RBM27: variants seen among roughly 807,000 people sequenced by gnomAD.
RBM27 encodes RNA binding motif protein 27, also known as RNA-binding protein 27.
A neutral mutation model predicts 135.3 loss-of-function variants in RBM27; 22 were observed. The ratio of observed to expected loss-of-function variants is 0.16; its 90% confidence interval spans 0.12 to 0.23. RBM27 has a LOEUF of 0.23. Ranked by LOEUF, RBM27 falls within the 10% of genes least tolerant of loss-of-function variation. RBM27 has a pLI of 1.00. For synonymous variants in RBM27, 481 were observed against 442.4 expected, an observed-to-expected ratio of 1.09 and a Z score of -1.10; for missense variants, 1,009 against 1,281.0, an observed-to-expected ratio of 0.79 and a Z score of 3.24.
intron 1 of RBM27, among the ~76,000 whole-genome samples, chr5:146,209,630 A>G (rs965720672): frequency 1.3e-5 from 2 of 152,192 alleles, no homozygotes; most frequent in Non-Finnish European, 2.9e-5. Flanking sequence ...AGTTGCCCAA[A>G]TGGGAGGAAA....
chr5:146,235,421 C>T (rs544629055), intron 7 of RBM27, among the ~76,000 whole-genome samples: 10 of 151,900 alleles, frequency 6.6e-5, no homozygotes, highest in East Asian at 5.9e-4. Flanking sequence ...CCAGGCATGT[C>T]GGGGGGTGCA....
At chr5:146,258,640 G>A (rs373002264) in intron 11 of RBM27, 47 bp downstream of exon 11, 4 of 1,409,206 alleles carry the variant, frequency 2.8e-6, no homozygotes, top group Non-Finnish European at 3.7e-6. Flanking sequence ...ATTGTCGTTT[G>A]CATTGGTAAA....
intron 1 of RBM27, among the ~76,000 whole-genome samples, chr5:146,217,215 C>T (rs1440278920): frequency 3.3e-5 from 5 of 152,088 alleles, no homozygotes; most frequent in Non-Finnish European, 2.9e-5. Context: ...GATCCCCCCG[C>T]CTTGGCCTCC....
chr5:146,258,400 CATT>C (rs759285548), intron 10 of RBM27, 46 bp from the exon 11 acceptor site: 21 of 1,425,992 alleles, frequency 1.5e-5, no homozygotes, highest in Non-Finnish European at 1.9e-5. Flanking sequence ...ATATATTAAT[CATT>C]GAGACTCCTG....
intron 1 of RBM27, among the ~76,000 whole-genome samples, chr5:146,207,422 G>T (rs1401438972): frequency 1.3e-5 from 2 of 151,684 alleles, no homozygotes; most frequent in Admixed American, 1.3e-4. Context: ...CACTTTGTTG[G>T]CCAGGCTGGT....
chr5:146,250,157 TA>T (rs897279202), intron 8 of RBM27, among the ~76,000 whole-genome samples: 68 of 151,934 alleles, frequency 4.5e-4, no homozygotes, highest in African/African-American at 1.6e-3. Context: ...TCACCAGGTA[TA>T]AAAAAAATTC....
At chr5:146,221,077 C>T (rs964310673) in intron 2 of RBM27, among the ~76,000 whole-genome samples, 10 of 150,532 alleles carry the variant, frequency 6.6e-5, no homozygotes, top group East Asian at 2.0e-4. Context: ...AAAAATTAGC[C>T]GGGCATGGTG....
chr5:146,255,431 C>A (rs1758061980), intron 10 of RBM27, among the ~76,000 whole-genome samples: 2 of 152,070 alleles, frequency 1.3e-5, no homozygotes, highest in Non-Finnish European at 2.9e-5. Flanking sequence ...GATCCCCTGC[C>A]CTCAAAGAAC....
At chr5:146,268,020 T>C (rs1487669512) in intron 15 of RBM27, among the ~76,000 whole-genome samples, 1 of 152,192 alleles carries the variant, frequency 6.6e-6, no homozygotes, top group East Asian at 1.9e-4. Context: ...CTTTTTTTAA[T>C]TCCTAGGTAG....
intron 1 of RBM27, among the ~76,000 whole-genome samples, chr5:146,215,233 A>G (rs1756139688): frequency 6.6e-6 from 1 of 152,038 alleles, no homozygotes; most frequent in South Asian, 2.1e-4. Flanking sequence ...TATTTTTAGT[A>G]GACATGGGGT....
Position 146,211,464 on chromosome 5 carries a change from C to CTTTTTT in RBM27, c.60-7496_60-7491dup, listed in dbSNP as rs57117642. Among the ~76,000 whole-genome samples the CTTTTTT allele has an allele frequency of 5.6e-3, 281 of 49,974 alleles. 7 individuals are homozygous for CTTTTTT. The highest frequency in any genetic ancestry group is 6.6e-3 in the Non-Finnish European group (177 of 26,950). The allele number at this position is 49,974 out of a possible 152,430, so 32.8% of individuals were successfully genotyped here. On this transcript the variant is annotated intron_variant, in intron 1 of 20. Coordinates refer to ENST00000265271, the MANE Select transcript of RBM27 (RefSeq NM_018989.2). ...CTTACTTTGTCCAGTATGGTCTTAT[C>CTTTTTT]TTTTTTTTTTTTTTTTTTTTTTTTT...
rs967307404 is a variant in RBM27, at chr5:146,254,945, A to G, written c.1447A>G (p.Thr483Ala). The change falls in exon 10 of 21, where the codon ACA (threonine) becomes GCA (alanine). Residue 483 changes from threonine to alanine, a missense_variant and splice_region_variant. Physicochemically the swap from Thr to Ala is moderately conservative, Grantham distance 58. This residue lies in a region of RBM27 where 329 missense variants were observed against 368.1 expected (regional missense o/e 0.89). Transcript: ENST00000265271. ...VSSPTPLVPDTYEPDGYNPEA... is the reference protein window; with the variant it reads ...VSSPTPLVPDAYEPDGYNPEA... ...TTTGTTGCTTTGTTTTCCCTCAGAT[A>G]CATATGAACCAGATGGTTACAACCC... 1.3e-6 allele frequency: 2 copies of G among 1,568,492 alleles called. No homozygotes were observed. The highest frequency in any genetic ancestry group is 3.4e-4 in the Middle Eastern group (2 of 5,896).
At chr5:146,233,428 T>G (rs1464601152) in intron 6 of RBM27, 22 bp from the exon 7 acceptor site, 1 of 1,508,348 alleles carries the variant, frequency 6.6e-7, no homozygotes. Context: ...ATAAGATTCT[T>G]TTTTTATTCT....
intron 5 of RBM27, 138 bp downstream of exon 5, chr5:146,230,048 A>T (rs115361364): frequency 0.011 from 11,370 of 1,002,366 alleles, 98 homozygotes; most frequent in Non-Finnish European, 0.013. Flanking sequence ...AAGAAGCTCA[A>T]TATCCATTTT....
Position 146,203,772 on chromosome 5 carries a change from A to G in RBM27, c.7A>G (p.Ile3Val). The G allele has an allele frequency of 5.8e-6, 9 of 1,550,690 alleles. No individual in the cohort carries two copies. Among genetic ancestry groups the G allele is most frequent in the South Asian group, 1.2e-5 (1 of 83,978 alleles). ...AGCCCGCCTTCCCTGCACCATGCTC[A>G]TAGAGGATGTGGATGCCCTCAAGTC... ML[I>V]EDVDALKSWL... Residue 3 changes from isoleucine (I) to valine (V), a missense_variant, in exon 1 of 21, where the codon ATA becomes GTA. By Grantham distance (29) the Ile-to-Val change is conservative. Around this residue, in one of 6 missense-constraint regions of RBM27, gnomAD observed 268 missense variants for 326.6 expected, o/e 0.82. Transcript: ENST00000265271.
chr5:146,235,210 A>G (rs1757107612), intron 7 of RBM27, among the ~76,000 whole-genome samples: 1 of 152,128 alleles, frequency 6.6e-6, no homozygotes, highest in African/African-American at 2.4e-5. Context: ...AATTGTGAAA[A>G]TGGTTTCACA....
chr5:146,216,961 ACTCT>A (rs1756221722), intron 1 of RBM27, among the ~76,000 whole-genome samples: 1 of 149,656 alleles, frequency 6.7e-6, no homozygotes, highest in South Asian at 2.1e-4. Flanking sequence ...GCCTTGAGTG[ACTCT>A]CTGTCTATTT....
intron 19 of RBM27, among the ~76,000 whole-genome samples, chr5:146,277,585 C>T (rs1436217757): frequency 2.7e-5 from 4 of 146,818 alleles, no homozygotes; most frequent in South Asian, 4.3e-4. Flanking sequence ...TGCAGTGGCA[C>T]GATCTTGGCT....
At chr5:146,211,390 G>T (rs1170820519) in intron 1 of RBM27, among the ~76,000 whole-genome samples, 1 of 145,768 alleles carries the variant, frequency 6.9e-6, no homozygotes, top group East Asian at 2.0e-4. Context: ...ACCAATATAT[G>T]TGTATCTTTA....
Sources: gnomAD v4.1 joint callset for allele counts (sites outside exome capture counted in the v4.1 genomes callset) on GRCh38, gnomAD v4.1.1 for gene constraint, gnomAD v4.1.1 regional missense constraint, MANE v1.5 for transcripts, NCBI Gene and HGNC (gene_info 2026-07-23, HGNC 2026-07-21) for gene names.